GRIN2B: variants seen among roughly 807,000 people sequenced by gnomAD.
GRIN2B encodes the protein glutamate receptor ionotropic, NMDA 2B.
In GRIN2B, 5 loss-of-function variants were observed where a neutral mutation model predicts 114.5. The ratio of observed to expected loss-of-function variants is 0.04; its 90% CI spans 0.02 to 0.09. The LOEUF is 0.09. Among genes scored for constraint, GRIN2B ranks in the 10% least tolerant of loss-of-function variants. The pLI is 1.00. For synonymous variants in GRIN2B, 787 were observed against 745.1 expected, an observed-to-expected ratio of 1.06 and a Z score of -0.92; for missense variants, 1,108 against 1,943.5, an observed-to-expected ratio of 0.57 and a Z score of 8.08.
At chr12:13,663,584 G>A (rs1224873978) in intron 5 of GRIN2B, among the ~76,000 whole-genome samples, 2 of 152,168 alleles carry the variant, frequency 1.3e-5, no homozygotes, top group South Asian at 2.1e-4. Flanking sequence ...GTGCTATGCT[G>A]TAGACTTTGT....
At chr12:13,840,475 C>A (rs918828738) in intron 3 of GRIN2B, among the ~76,000 whole-genome samples, 1 of 152,082 alleles carries the variant, frequency 6.6e-6, no homozygotes, top group African/African-American at 2.4e-5. Flanking sequence ...TGCTGGACAA[C>A]TTTGACAACA....
chr12:13,930,708 G>A lies in GRIN2B; in HGVS notation c.-19+49220C>T, dbSNP rs1867011319. ...AGGCAGAGGGAGCTGCTTATAAAAG[G>A]ATGACATCAATCCCCGAGTGACAGA... On this transcript the variant is annotated intron_variant, in intron 2 of 13. Transcript: ENST00000609686. Among the ~76,000 whole-genome samples, 7 of 152,158 alleles carry A rather than the reference G, an allele frequency of 4.6e-5. No individual in the cohort carries two copies. In the South Asian group the frequency reaches 1.5e-3, roughly 32 times the overall value.
chr12:13,664,932 G>A (rs1032641260), intron 5 of GRIN2B, among the ~76,000 whole-genome samples: 2 of 152,090 alleles, frequency 1.3e-5, no homozygotes, highest in Non-Finnish European at 2.9e-5. Context: ...GGGGCTGCAG[G>A]GATACGGTGC....
At chr12:13,639,963 A>G (rs888497549) in intron 5 of GRIN2B, among the ~76,000 whole-genome samples, 2 of 152,136 alleles carry the variant, frequency 1.3e-5, no homozygotes, top group African/African-American at 4.8e-5. Flanking sequence ...GTTGAGTTGA[A>G]AAAATAGAGA....
At chr12:13,654,457 A>G (rs981319471) in intron 5 of GRIN2B, among the ~76,000 whole-genome samples, 3 of 152,218 alleles carry the variant, frequency 2.0e-5, no homozygotes, top group African/African-American at 7.2e-5. Context: ...CAGGAAGCAC[A>G]TCTTTTAAGA....
At chr12:13,847,282 G>A (rs1029773230) in intron 3 of GRIN2B, among the ~76,000 whole-genome samples, 1 of 152,042 alleles carries the variant, frequency 6.6e-6, no homozygotes, top group African/African-American at 2.4e-5. Flanking sequence ...CCCCCACTAT[G>A]ACCAAGCATA....
At chr12:13,605,418 C>T (rs1341069480) in intron 10 of GRIN2B, among the ~76,000 whole-genome samples, 6 of 151,908 alleles carry the variant, frequency 3.9e-5, no homozygotes, top group Admixed American at 3.9e-4. Context: ...AAAAGATGAA[C>T]AGTTGTGGAT....
intron 5 of GRIN2B, among the ~76,000 whole-genome samples, chr12:13,630,309 G>A (rs1002529238): frequency 2.6e-5 from 4 of 152,192 alleles, no homozygotes; most frequent in Admixed American, 6.5e-5. Context: ...TTTCAGAATA[G>A]TCTTATAAGG....
At chr12:13,693,354 T>G (rs1171551458) in intron 4 of GRIN2B, among the ~76,000 whole-genome samples, 1 of 152,156 alleles carries the variant, frequency 6.6e-6, no homozygotes, top group Non-Finnish European at 1.5e-5. Flanking sequence ...AAATACACAT[T>G]TATATATTTT....
intron 10 of GRIN2B, among the ~76,000 whole-genome samples, chr12:13,573,323 C>T (rs1303342710): frequency 2.0e-5 from 3 of 148,784 alleles, no homozygotes; most frequent in Non-Finnish European, 4.5e-5. Context: ...TGGTGGCAGG[C>T]ACCTGTAGTC....
intron 3 of GRIN2B, among the ~76,000 whole-genome samples, chr12:13,785,460 C>T (rs190862781): frequency 2.0e-5 from 3 of 152,268 alleles, no homozygotes; most frequent in African/African-American, 7.2e-5. Context: ...CCACAACTCC[C>T]ACATGCCTTA....
chr12:13,819,547 G>A (rs1284472347), intron 3 of GRIN2B, among the ~76,000 whole-genome samples: 1 of 152,120 alleles, frequency 6.6e-6, no homozygotes, highest in Admixed American at 6.5e-5. Flanking sequence ...TTCAGATTTT[G>A]AAAAGGTAAT....
chr12:13,714,200 T>C (rs549326618), intron 4 of GRIN2B, among the ~76,000 whole-genome samples: 1 of 151,862 alleles, frequency 6.6e-6, no homozygotes, highest in South Asian at 2.1e-4. Context: ...TCAAGTCTTA[T>C]TGGGTGCTAC....
At chr12:13,580,349 T>C (rs1057040895) in intron 10 of GRIN2B, among the ~76,000 whole-genome samples, 7 of 152,218 alleles carry the variant, frequency 4.6e-5, no homozygotes, top group Non-Finnish European at 8.8e-5. Flanking sequence ...GACAAACCAG[T>C]GCTGTGACCT....
At chr12:13,634,336 T>C (rs1239580843) in intron 5 of GRIN2B, 1 of 152,212 alleles carries the variant, frequency 6.6e-6, no homozygotes, top group Non-Finnish European at 1.5e-5. Context: ...CCATAACAAA[T>C]AGTCTGTGAA....
intron 3 of GRIN2B, among the ~76,000 whole-genome samples, chr12:13,817,137 A>T (rs1864838933): frequency 6.6e-6 from 1 of 152,158 alleles, no homozygotes; most frequent in Admixed American, 6.5e-5. Context: ...TGCAAGAAGA[A>T]TAAAAGTTTG....
chr12:13,889,578 C>G (rs187334866), intron 2 of GRIN2B, among the ~76,000 whole-genome samples: 1 of 152,160 alleles, frequency 6.6e-6, no homozygotes. Flanking sequence ...AAATCACGAG[C>G]AAGAGGTTAA....
In GRIN2B at chr12:13,575,759, C is replaced by G. The variant is rs1366971175; in HGVS notation, c.2011-3795G>C. On this transcript the variant is annotated intron_variant, in intron 10 of 13. Coordinates refer to ENST00000609686, the MANE Select transcript of GRIN2B (RefSeq NM_000834.5). The stretch of plus-strand genomic sequence containing the variant: ...AAGAAGGGAAGTGCTGGTTTGGAGG[C>G]AGAGAATTTGGATTTGGATTTCAGC... 2.0e-5 allele frequency among the ~76,000 whole-genome samples: 3 copies of G among 151,888 alleles called. No individual in the cohort carries two copies. In the East Asian group the frequency reaches 5.8e-4, roughly 29 times the overall value.
intron 4 of GRIN2B, among the ~76,000 whole-genome samples, chr12:13,685,264 C>T (rs1950167025): frequency 6.6e-6 from 1 of 152,172 alleles, no homozygotes; most frequent in Admixed American, 6.5e-5. Flanking sequence ...CAGTTCCTGC[C>T]CCATCTGTAG....
Sources: allele counts gnomAD v4.1 joint callset (sites outside exome capture counted in the v4.1 genomes callset), GRCh38; gene constraint gnomAD v4.1.1; transcripts MANE v1.5; gene names NCBI Gene and HGNC (gene_info 2026-07-23, HGNC 2026-07-21).